The following MCM9 variants were observed in gnomAD, a reference collection of about 807,000 sequenced individuals.
The protein encoded by MCM9 is DNA helicase MCM9.
In MCM9, 55 loss-of-function variants were observed where a neutral mutation model predicts 72.8. The observed-to-expected ratio is 0.76, with a 90% CI of 0.61 to 0.95. The LOEUF is 0.95. Ranked by LOEUF, MCM9 falls within the 40% of genes least tolerant of loss-of-function variation. The pLI is 0.00. For missense variants in MCM9, 1,279 were observed against 1,377.0 expected (o/e 0.93, Z 1.13); for synonymous variants, 480 against 503.4 (o/e 0.95, Z 0.62).
intron 9 of MCM9, among the ~76,000 whole-genome samples, chr6:118,845,816 C>G (rs1775822644): frequency 6.6e-6 from 1 of 151,720 alleles, no homozygotes; most frequent in African/African-American, 2.4e-5. Flanking sequence ...CTAGTCTAAA[C>G]CTGAAGGCCT....
At chr6:118,927,360 T>C (rs997999652) in intron 3 of MCM9, among the ~76,000 whole-genome samples, 8 of 152,068 alleles carry the variant, frequency 5.3e-5, no homozygotes, top group Non-Finnish European at 7.4e-5. Context: ...TCCCAGCACT[T>C]TGGGAGGCCG....
Position 118,878,704 on chromosome 6 carries a change from A to G in MCM9, c.1151-22159T>C, listed in dbSNP as rs1250708676. ...AAGGCAACTATTAATATCTTTAAAT[A>G]TATAAGAAACAAGAAGGGTATTAAA... On this transcript the variant is annotated intron_variant, in intron 8 of 13. Transcript: ENST00000619706. Among the ~76,000 whole-genome samples the G allele has an allele frequency of 2.0e-5, 3 of 152,112 alleles. No individual in the cohort carries two copies. The East Asian group carries it at 5.8e-4, about 29-fold the overall frequency.
In MCM9 at chr6:118,928,959, C is replaced by T. The variant is rs543250501; in HGVS notation, c.304+2461G>A. Among the ~76,000 whole-genome samples, 5 of 152,268 alleles carry T rather than the reference C, an allele frequency of 3.3e-5. No homozygotes were observed. The South Asian group carries it at 1.0e-3, about 32-fold the overall frequency. The stretch of plus-strand genomic sequence containing the variant: ...TTCTGGCCGGGCACCATGGCTCATG[C>T]CTGCAATCCCAGCACTTTGGGAGGC... On this transcript the variant is annotated intron_variant, in intron 3 of 13. Coordinates refer to ENST00000619706, the MANE Select transcript of MCM9 (RefSeq NM_017696.3).
intron 8 of MCM9, chr6:118,893,919 C>CTCTCCCGCCGCAGCCACG: frequency 1.4e-6 from 1 of 698,656 alleles, no homozygotes; most frequent in South Asian, 6.2e-5. Flanking sequence ...CCGGATCGCG[C>CTCTCCCGCCGCAGCCACG]CCTCCCGCCG....
chr6:118,907,526 C>T, intron 8 of MCM9: 2 of 1,613,652 alleles, frequency 1.2e-6, no homozygotes, highest in Non-Finnish European at 8.5e-7. Flanking sequence ...CTTCTTTCAA[C>T]AGATGCATTA....
At chr6:118,870,617 G>A (rs1777539864) in intron 8 of MCM9, among the ~76,000 whole-genome samples, 2 of 151,492 alleles carry the variant, frequency 1.3e-5, no homozygotes, top group South Asian at 4.2e-4. Context: ...GTTAGCAGAA[G>A]GAAGAGAATA....
At chr6:118,868,238 A>G in intron 8 of MCM9, among the ~76,000 whole-genome samples, 1 of 152,220 alleles carries the variant, frequency 6.6e-6, no homozygotes, top group Non-Finnish European at 1.5e-5. Flanking sequence ...AATAATTTTT[A>G]AGGAATGCAA....
chr6:118,933,103 T>C (rs1408910787), intron 1 of MCM9, among the ~76,000 whole-genome samples: 1 of 152,030 alleles, frequency 6.6e-6, no homozygotes, highest in African/African-American at 2.4e-5. Flanking sequence ...TGGTCAAAAA[T>C]GCAATATGAA....
In MCM9 at chr6:118,858,027, A is replaced by G. The variant is rs146209692; in HGVS notation, c.1151-1482T>C. On this transcript the variant is annotated intron_variant, in intron 8 of 13. Coordinates refer to ENST00000619706, the MANE Select transcript of MCM9 (RefSeq NM_017696.3). ...ACTCAGAATTATCATACTAATTGTCATAACTGAATTGTCATACTAAACTAG... is the reference window on the plus strand; with the variant it reads ...ACTCAGAATTATCATACTAATTGTCGTAACTGAATTGTCATACTAAACTAG... Among the ~76,000 whole-genome samples the G allele has an allele frequency of 2.6e-3, 391 of 152,320 alleles. No homozygotes were observed. The Middle Eastern group carries it at 0.044, about 17-fold the overall frequency.
chr6:118,918,891 G>C (rs1781185620), intron 5 of MCM9: 1 of 152,124 alleles, frequency 6.6e-6, no homozygotes, highest in African/African-American at 2.4e-5. Context: ...TGGAACTGGT[G>C]GTGCCAATCC....
chr6:118,887,126 G>C (rs143211730), intron 8 of MCM9, among the ~76,000 whole-genome samples: 1,580 of 152,254 alleles, frequency 0.01, 29 homozygotes, highest in African/African-American at 0.036. Flanking sequence ...CTTCTTTGCA[G>C]AATTGATAGA....
At chr6:118,841,428 A>G (rs954136032) in intron 9 of MCM9, among the ~76,000 whole-genome samples, 1 of 152,140 alleles carries the variant, frequency 6.6e-6, no homozygotes, top group African/African-American at 2.4e-5. Flanking sequence ...ACCACCACAG[A>G]TACAGCTTCA....
chr6:118,891,297 A>G (rs1285014923), intron 8 of MCM9, among the ~76,000 whole-genome samples: 1 of 152,216 alleles, frequency 6.6e-6, no homozygotes, highest in Non-Finnish European at 1.5e-5. Flanking sequence ...AGTGCTTGGG[A>G]ACTGACCAAT....
intron 8 of MCM9, among the ~76,000 whole-genome samples, chr6:118,889,752 C>T (rs145079332): frequency 0.037 from 5,576 of 152,192 alleles, 175 homozygotes; most frequent in South Asian, 0.053. Flanking sequence ...AAGAAACTGT[C>T]AATAAATGTA....
At chr6:118,904,243 A>G (rs1780009460) in intron 8 of MCM9, among the ~76,000 whole-genome samples, 2 of 152,202 alleles carry the variant, frequency 1.3e-5, no homozygotes, top group Non-Finnish European at 2.9e-5. Context: ...GAGACTGACT[A>G]GATGTAGGAG....
intron 9 of MCM9, among the ~76,000 whole-genome samples, chr6:118,845,270 G>A (rs1775780735): frequency 6.6e-6 from 1 of 151,852 alleles, no homozygotes; most frequent in Admixed American, 6.6e-5. Context: ...CTGATGCTGT[G>A]GTGGCGATGA....
chr6:118,857,806 T>C (rs1776658944), intron 8 of MCM9, among the ~76,000 whole-genome samples: 1 of 152,140 alleles, frequency 6.6e-6, no homozygotes, highest in South Asian at 2.1e-4. Context: ...GCAAAGTTTA[T>C]CTAAAAAGGA....
At chr6:118,832,696 T>C (rs984061724) in intron 9 of MCM9, among the ~76,000 whole-genome samples, 2 of 152,240 alleles carry the variant, frequency 1.3e-5, no homozygotes, top group African/African-American at 4.8e-5. Context: ...TAATAACTTG[T>C]GTAACCTAAC....
chr6:118,820,171 ATTTG>A (rs1429024167), intron 13 of MCM9, among the ~76,000 whole-genome samples: 1 of 151,696 alleles, frequency 6.6e-6, no homozygotes, highest in African/African-American at 2.4e-5. Flanking sequence ...TAGCTTTTGA[ATTTG>A]TTTGTTCTTG....
Sources: gnomAD v4.1 joint callset for allele counts (sites outside exome capture counted in the v4.1 genomes callset) on GRCh38, gnomAD v4.1.1 for gene constraint, MANE v1.5 for transcripts, NCBI Gene and HGNC (gene_info 2026-07-23, HGNC 2026-07-21) for gene names.